The following SETBP1 variants were observed in gnomAD, a reference collection of about 807,000 sequenced individuals.
SETBP1 encodes SET binding protein 1, also known as SET-binding protein.
A neutral mutation model predicts 101.0 loss-of-function variants in SETBP1; 9 were observed. The observed-to-expected ratio is 0.09, with a 90% CI of 0.05 to 0.16. SETBP1 has a LOEUF of 0.16. Ranked by LOEUF, SETBP1 falls within the 10% of genes least tolerant of loss-of-function variation. SETBP1 has a pLI of 1.00. For synonymous variants in SETBP1, 818 were observed against 788.5 expected (o/e 1.04, Z -0.63); for missense variants, 1,858 against 2,033.8 (o/e 0.91, Z 1.66).
chr18:44,783,025 A>G (rs2071166652), intron 2 of SETBP1, among the ~76,000 whole-genome samples: 1 of 152,180 alleles, frequency 6.6e-6, no homozygotes, highest in African/African-American at 2.4e-5. Context: ...AAGTCTGAAT[A>G]TCTAGATTTC....
rs539779265 is a variant in SETBP1, at chr18:44,919,778, CACAT to C, written c.541-30097_541-30094del. ...TATGTGTATTGTATGTACATATACA[CACAT>C]ACATATGCATATACACACATATGCA... On this transcript the variant is annotated intron_variant, in intron 3 of 5. Transcript: ENST00000649279. Among the ~76,000 whole-genome samples the C allele has an allele frequency of 8.0e-3, 1,213 of 151,646 alleles. 18 individuals carry two copies. Among genetic ancestry groups the C allele is most frequent in the African/African-American group, 0.028 (1,138 of 41,344 alleles).
chr18:45,021,788 A>G (rs550092344), intron 4 of SETBP1, among the ~76,000 whole-genome samples: 1 of 152,330 alleles, frequency 6.6e-6, no homozygotes, highest in South Asian at 2.1e-4. Context: ...CTAATGAATC[A>G]AATAAGATTT....
chr18:44,804,423 G>A (rs1174849951), intron 2 of SETBP1, among the ~76,000 whole-genome samples: 1 of 152,114 alleles, frequency 6.6e-6, no homozygotes, highest in African/African-American at 2.4e-5. Context: ...TTTGTAAACT[G>A]TAGAGTCCGT....
Position 44,933,462 on chromosome 18 carries a change from A to T in SETBP1, c.541-16419A>T, listed in dbSNP as rs191579928. ...TCTCAAACTCCATGCTGGAAGAACC[A>T]CTCCTCTCTTCAAAGCTGTCAGACA... On this transcript the variant is annotated intron_variant, in intron 3 of 5. Transcript: ENST00000649279. Among the ~76,000 whole-genome samples the T allele has an allele frequency of 5.9e-5, 9 of 151,926 alleles. No individual in the cohort carries two copies. The East Asian group carries it at 1.7e-3, about 29-fold the overall frequency.
intron 4 of SETBP1, among the ~76,000 whole-genome samples, chr18:44,991,557 C>G (rs974864605): frequency 1.1e-4 from 17 of 152,028 alleles, no homozygotes; most frequent in African/African-American, 4.1e-4. Flanking sequence ...GGTCATAGCA[C>G]AGCTGAAATG....
At chr18:44,897,303 G>A (rs1180043045) in intron 3 of SETBP1, among the ~76,000 whole-genome samples, 1 of 152,040 alleles carries the variant, frequency 6.6e-6, no homozygotes, top group Non-Finnish European at 1.5e-5. Context: ...CCCTATGTTT[G>A]AGAAAAAACA....
intron 3 of SETBP1, among the ~76,000 whole-genome samples, chr18:44,928,984 T>C (rs1208188720): frequency 6.6e-6 from 1 of 152,252 alleles, no homozygotes; most frequent in Non-Finnish European, 1.5e-5. Flanking sequence ...CTCTTGGTGT[T>C]CTAGTCATGA....
chr18:45,023,588 A>T (rs1309381244), intron 4 of SETBP1, among the ~76,000 whole-genome samples: 1 of 152,230 alleles, frequency 6.6e-6, no homozygotes, highest in Non-Finnish European at 1.5e-5. Flanking sequence ...AGATGATGAC[A>T]AAACTTGGCT....
Position 44,712,236 on chromosome 18 carries a change from A to G in SETBP1, c.486+10404A>G, listed in dbSNP as rs79653441. On this transcript the variant is annotated intron_variant, in intron 2 of 5. Coordinates refer to ENST00000649279, the MANE Select transcript of SETBP1 (RefSeq NM_015559.3). Reference sequence around the variant, plus strand: ...CCCACAAGTTTCTAGCCAGTTTCACAGTGGGGGATAGGAGGTTGGGGGTGG... The same window carrying G: ...CCCACAAGTTTCTAGCCAGTTTCACGGTGGGGGATAGGAGGTTGGGGGTGG... 1.3e-4 allele frequency among the ~76,000 whole-genome samples: 20 copies of G among 152,262 alleles called. 1 individual carries two copies. The South Asian group carries it at 3.9e-3, about 30-fold the overall frequency.
chr18:44,683,121 A>G (rs924902894), intron 1 of SETBP1, among the ~76,000 whole-genome samples: 1 of 152,188 alleles, frequency 6.6e-6, no homozygotes, highest in Non-Finnish European at 1.5e-5. Flanking sequence ...ACTGCCTTAT[A>G]TGTTCATGAA....
At chr18:44,910,355 T>C (rs569816796) in intron 3 of SETBP1, among the ~76,000 whole-genome samples, 29 of 152,326 alleles carry the variant, frequency 1.9e-4, no homozygotes, top group Non-Finnish European at 3.2e-4. Flanking sequence ...AGGTGTTTTT[T>C]AGCATTTTTC....
chr18:44,803,825 A>G (rs1280041850), intron 2 of SETBP1, among the ~76,000 whole-genome samples: 1 of 152,154 alleles, frequency 6.6e-6, no homozygotes, highest in African/African-American at 2.4e-5. Flanking sequence ...ACTTTTTCCT[A>G]TCTAGCTAAA....
intron 4 of SETBP1, among the ~76,000 whole-genome samples, chr18:44,968,679 G>T (rs1034383611): frequency 4.6e-5 from 7 of 152,168 alleles, no homozygotes; most frequent in African/African-American, 1.7e-4. Flanking sequence ...TTTCAATTTT[G>T]TTGTATGTCT....
intron 2 of SETBP1, among the ~76,000 whole-genome samples, chr18:44,740,994 A>G (rs1416445135): frequency 6.6e-6 from 1 of 152,264 alleles, no homozygotes; most frequent in Non-Finnish European, 1.5e-5. Context: ...AGTAGATTAT[A>G]AGATCATCAA....
chr18:44,872,114 C>T (rs1015407688), intron 3 of SETBP1: 2 of 152,208 alleles, frequency 1.3e-5, no homozygotes, highest in African/African-American at 4.8e-5. Flanking sequence ...AGAACCCTCA[C>T]TTCTTTTGTC....
intron 2 of SETBP1, among the ~76,000 whole-genome samples, chr18:44,795,797 A>G (rs1199888490): frequency 6.6e-6 from 1 of 152,196 alleles, no homozygotes; most frequent in Non-Finnish European, 1.5e-5. Context: ...CTCAGTCAAC[A>G]TAAGCTCTTC....
At chr18:44,837,260 C>T (rs1015097896) in intron 2 of SETBP1, among the ~76,000 whole-genome samples, 2 of 152,182 alleles carry the variant, frequency 1.3e-5, no homozygotes, top group Non-Finnish European at 1.5e-5. Flanking sequence ...AAGAGTGCTT[C>T]ATTCTGGCTG....
Position 44,947,969 on chromosome 18 carries a change from T to C in SETBP1, c.541-1912T>C, listed in dbSNP as rs1599361382. ...AGAGTGCCAGCTAATTTCCAAAGCA[T>C]AAATAGAAACTAGCAATGCCCTGAT... On this transcript the variant is annotated intron_variant, in intron 3 of 5. Transcript: ENST00000649279. Among the ~76,000 whole-genome samples, 8 of 152,328 alleles carry C rather than the reference T, an allele frequency of 5.3e-5. 2 individuals carry two copies. The highest frequency in any genetic ancestry group is 5.2e-4 in the Admixed American group (8 of 15,304).
rs987053964 is a variant in SETBP1 at position 44,877,480 on chromosome 18, C to G, written c.540+8197C>G. ...TATTTGTAATAGGAATAATGTTCAC[C>G]CTCCAAAAAAAATGGTTCCACTCGT... On this transcript the variant is annotated intron_variant, in intron 3 of 5. Transcript: ENST00000649279. 3 of 652,864 alleles carry G rather than the reference C, an allele frequency of 4.6e-6. No homozygotes were observed. The African/African-American group carries it at 5.9e-5, about 13-fold the overall frequency. The allele number at this position is 652,864 out of a possible 1,614,324, so 40.4% of individuals were successfully genotyped here.
Sources: gnomAD v4.1 joint callset for allele counts (sites outside exome capture counted in the v4.1 genomes callset) on GRCh38, gnomAD v4.1.1 for gene constraint, MANE v1.5 for transcripts, NCBI Gene and HGNC (gene_info 2026-07-23, HGNC 2026-07-21) for gene names.